The following NMNAT2 variants were observed in gnomAD, a reference collection of about 807,000 sequenced individuals.
The protein encoded by NMNAT2 is nicotinamide nucleotide adenylyltransferase 2.
Under a neutral mutation model 41.6 loss-of-function variants are expected in NMNAT2, and 11 were observed. That is an observed-to-expected ratio of 0.26 (90% CI 0.17 to 0.44). NMNAT2 has a LOEUF of 0.44. Among genes scored for constraint, NMNAT2 ranks in the 20% least tolerant of loss-of-function variants. The pLI is 1.00. For synonymous variants in NMNAT2, 148 were observed against 151.2 expected, an observed-to-expected ratio of 0.98 and a Z score of 0.16; for missense variants, 288 against 407.7, an observed-to-expected ratio of 0.71 and a Z score of 2.53.
At chr1:183,305,356 G>A (rs1325696923) in intron 1 of NMNAT2, among the ~76,000 whole-genome samples, 1 of 152,078 alleles carries the variant, frequency 6.6e-6, no homozygotes, top group Non-Finnish European at 1.5e-5. Flanking sequence ...AAGACAGGAG[G>A]AGGACATGTG....
chr1:183,382,751 C>T (rs1284162450), intron 1 of NMNAT2, among the ~76,000 whole-genome samples: 1 of 152,186 alleles, frequency 6.6e-6, no homozygotes, highest in African/African-American at 2.4e-5. Flanking sequence ...CATATCCAGC[C>T]CACCCATCAG....
intron 1 of NMNAT2, among the ~76,000 whole-genome samples, chr1:183,303,651 G>A (rs765691401): frequency 6.6e-6 from 1 of 152,168 alleles, no homozygotes; most frequent in Non-Finnish European, 1.5e-5. Context: ...CATTCTTCAG[G>A]GAGCGTGAAA....
rs1648410108 is a variant in NMNAT2 at position 183,389,831 on chromosome 1, AG to A, written c.85+28351del. ...AAGAAAGAAAGAAAGAAAGAAAGAA[AG>A]AAAGAAAGAAAGGAAAAAAGAGAAA... is the stretch of plus-strand genomic sequence containing the variant. On this transcript the variant is annotated intron_variant, in intron 1 of 10. Coordinates refer to ENST00000287713, the MANE Select transcript of NMNAT2 (RefSeq NM_015039.4). 5.9e-5 allele frequency among the ~76,000 whole-genome samples: 4 copies of A among 68,204 alleles called. 1 individual carries two copies. Among genetic ancestry groups the A allele is most frequent in the Admixed American group, 1.5e-4 (1 of 6,610 alleles). 44.7% of individuals were successfully genotyped at this position (68,204 alleles called of 152,430 possible).
At chr1:183,304,701 C>G in intron 1 of NMNAT2, 2 of 1,614,170 alleles carry the variant, frequency 1.2e-6, no homozygotes, top group Non-Finnish European at 1.7e-6. Context: ...CCCAGAGCCC[C>G]TGGCAGGCCT....
intron 9 of NMNAT2, 25 bp from the exon 10 acceptor site, chr1:183,261,094 G>A (rs1660646191): frequency 6.2e-7 from 1 of 1,609,916 alleles, no homozygotes; most frequent in Non-Finnish European, 8.5e-7. Context: ...GACAGAGTCA[G>A]TTGCCAGTCC....
chr1:183,415,348 T>C (rs1649225595), intron 1 of NMNAT2, among the ~76,000 whole-genome samples: 1 of 152,170 alleles, frequency 6.6e-6, no homozygotes, highest in Admixed American at 6.5e-5. Context: ...TTTAAAGCAA[T>C]TTAAAAGGAG....
intron 8 of NMNAT2, among the ~76,000 whole-genome samples, chr1:183,274,391 A>C (rs1661071486): frequency 6.6e-6 from 1 of 151,998 alleles, no homozygotes; most frequent in South Asian, 2.1e-4. Context: ...TGCTCACTGC[A>C]ATCTCTGCCT....
At chr1:183,398,580 C>T (rs1329646755) in intron 1 of NMNAT2, among the ~76,000 whole-genome samples, 1 of 152,164 alleles carries the variant, frequency 6.6e-6, no homozygotes, top group Non-Finnish European at 1.5e-5. Context: ...ATCTACAGAA[C>T]TCTCCACCCC....
chr1:183,248,735 C>T lies in NMNAT2; in HGVS notation c.*3906G>A, dbSNP rs1660291544. On this transcript the variant is annotated 3_prime_UTR_variant, in exon 11 of 11. Coordinates refer to ENST00000287713, the MANE Select transcript of NMNAT2 (RefSeq NM_015039.4). ...ATTGTATGAGCTACAAAATCGGTCC[C>T]TGTTTCCATTCTTCCCATCTCACCT... 1 of 152,232 alleles carries T rather than the reference C, an allele frequency of 6.6e-6. No individual in the cohort carries two copies. Among genetic ancestry groups the T allele is most frequent in the Admixed American group, 6.5e-5 (1 of 15,282 alleles). The allele number at this position is 152,232 out of a possible 1,614,324, so 9.4% of individuals were successfully genotyped here. A position where few individuals can be genotyped will look rare whatever the true frequency, so the allele number is the denominator to read the frequency against.
At chr1:183,283,070 C>T (rs946751232) in intron 7 of NMNAT2, 1 of 152,230 alleles carries the variant, frequency 6.6e-6, no homozygotes, top group African/African-American at 2.4e-5. Flanking sequence ...CTTGAAATGA[C>T]ATCACATCTG....
chr1:183,375,169 A>G (rs1663648128), intron 1 of NMNAT2, among the ~76,000 whole-genome samples: 1 of 152,202 alleles, frequency 6.6e-6, no homozygotes, highest in African/African-American at 2.4e-5. Context: ...CTGCCATCAT[A>G]ATATGATCTT....
At chr1:183,318,838 G>A (rs1223755746) in intron 1 of NMNAT2, among the ~76,000 whole-genome samples, 1 of 152,212 alleles carries the variant, frequency 6.6e-6, no homozygotes, top group Non-Finnish European at 1.5e-5. Context: ...CAAGGGCAAA[G>A]AAGTACAAGC....
intron 10 of NMNAT2, among the ~76,000 whole-genome samples, chr1:183,257,816 T>C (rs1660559206): frequency 6.6e-6 from 1 of 151,962 alleles, no homozygotes; most frequent in Admixed American, 6.6e-5. Flanking sequence ...CAACTCTTCA[T>C]TTTATTAATT....
chr1:183,264,171 G>A (rs776912728), intron 8 of NMNAT2, among the ~76,000 whole-genome samples: 5 of 152,054 alleles, frequency 3.3e-5, no homozygotes, highest in African/African-American at 7.2e-5. Flanking sequence ...CTTGATGAAT[G>A]TTTCATATAT....
rs1170225985 is a variant in NMNAT2 at position 183,249,563 on chromosome 1, G to A, written c.*3078C>T. 6.6e-6 allele frequency: 1 copy of A among 152,040 alleles called. No homozygotes were observed. The highest frequency in any genetic ancestry group is 6.6e-5 in the Admixed American group (1 of 15,250). The allele number at this position is 152,040 out of a possible 1,614,324, so 9.4% of individuals were successfully genotyped here. ...TAGAGGTTATCCTGTTGGCACCTGG[G>A]GCACCACTTCAGACTCTGAATCATC... On this transcript the variant is annotated 3_prime_UTR_variant, in exon 11 of 11. Transcript: ENST00000287713.
rs548323584 is a variant in NMNAT2 at position 183,319,364 on chromosome 1, G to A, written c.86-25571C>T. On this transcript the variant is annotated intron_variant, in intron 1 of 10. Coordinates refer to ENST00000287713, the MANE Select transcript of NMNAT2 (RefSeq NM_015039.4). ...AATGACTTATAAAAAGATCACTTCAGCACAGTGCCTACATTTCCAAGCAGT... is the reference window on the plus strand; with the variant it reads ...AATGACTTATAAAAAGATCACTTCAACACAGTGCCTACATTTCCAAGCAGT... Among the ~76,000 whole-genome samples the A allele has an allele frequency of 3.9e-5, 6 of 152,362 alleles. 1 individual carries two copies. Among genetic ancestry groups the A allele is most frequent in the African/African-American group, 1.4e-4 (6 of 41,584 alleles).
At chr1:183,345,690 T>C (rs1452725618) in intron 1 of NMNAT2, among the ~76,000 whole-genome samples, 38 of 6,578 alleles carry the variant, frequency 5.8e-3, no homozygotes, top group African/African-American at 7.4e-3. Context: ...ATCCTTTTCT[T>C]TTTTTTTTTT....
At chr1:183,409,728 T>A (rs1305368073) in intron 1 of NMNAT2, among the ~76,000 whole-genome samples, 1 of 152,188 alleles carries the variant, frequency 6.6e-6, no homozygotes, top group African/African-American at 2.4e-5. Context: ...TTTCAGACAA[T>A]TAAGCCTGTG....
intron 1 of NMNAT2, among the ~76,000 whole-genome samples, chr1:183,321,806 T>TTTTTG (rs910234824): frequency 8.6e-5 from 13 of 151,512 alleles, no homozygotes; most frequent in South Asian, 2.1e-4. Context: ...AGATTTTTGG[T>TTTTTG]TTTTGTTTTG....
Sources: gnomAD v4.1 joint callset for allele counts (sites outside exome capture counted in the v4.1 genomes callset) on GRCh38, gnomAD v4.1.1 for gene constraint, MANE v1.5 for transcripts, NCBI Gene and HGNC (gene_info 2026-07-23, HGNC 2026-07-21) for gene names.